Variants in CCDC40 observed in about 807,000 individuals in gnomAD.
CCDC40 encodes the protein coiled-coil domain-containing protein 40.
A neutral mutation model predicts 124.5 loss-of-function variants in CCDC40; 104 were observed. That is an observed-to-expected ratio of 0.84 (90% CI 0.71 to 0.98). The LOEUF is 0.98. Ranked by LOEUF, CCDC40 falls within the 50% of genes least tolerant of loss-of-function variation. The pLI, the probability that CCDC40 is intolerant of heterozygous loss-of-function variation, is 0.00. For synonymous variants in CCDC40, 580 were observed against 602.9 expected (o/e 0.96, Z 0.56); for missense variants, 1,463 against 1,503.9 (o/e 0.97, Z 0.45).
Position 80,048,759 on chromosome 17 carries a change from C to T in CCDC40, c.853C>T (p.His285Tyr), listed in dbSNP as rs768404963. ...CCAGCTGGTGGTTTTGGACCCAGAC[C>T]ACGTAAGGAAGCCTTCCCAGGTTTT... is the stretch of plus-strand genomic sequence containing the variant. ...GSQLVVLDPD[H>Y]PLMVRFQAAL... The change falls in exon 5 of 20, where the codon CAC (histidine) becomes TAC (tyrosine). Residue 285 changes from histidine (H) to tyrosine (Y), a missense_variant and splice_region_variant. Coordinates refer to ENST00000397545, the MANE Select transcript of CCDC40 (RefSeq NM_017950.4). 6.2e-7 allele frequency: 1 copy of T among 1,608,048 alleles called. No individual in the cohort carries two copies. The highest frequency in any genetic ancestry group is 8.5e-7 in the Non-Finnish European group (1 of 1,177,146).
chr17:80,063,454 C>G (rs1417391371), intron 9 of CCDC40, among the ~76,000 whole-genome samples: 2 of 152,180 alleles, frequency 1.3e-5, no homozygotes, highest in Non-Finnish European at 2.9e-5. Context: ...GCACCTCAGT[C>G]AACCAGGCTG....
intron 7 of CCDC40, among the ~76,000 whole-genome samples, chr17:80,055,986 A>G (rs1218033477): frequency 7.3e-4 from 13 of 17,846 alleles, no homozygotes; most frequent in Non-Finnish European, 1.4e-3. Context: ...ATTTTCATAT[A>G]TATATATATA....
intron 9 of CCDC40, among the ~76,000 whole-genome samples, chr17:80,063,787 G>A (rs1277996639): frequency 6.6e-6 from 1 of 152,144 alleles, no homozygotes; most frequent in Admixed American, 6.5e-5. Flanking sequence ...GGCATGAGCC[G>A]CCGCACCTGG....
At chr17:80,051,628 C>CAAAAA (rs200887220) in intron 7 of CCDC40, among the ~76,000 whole-genome samples, 3 of 94,148 alleles carry the variant, frequency 3.2e-5, no homozygotes, top group African/African-American at 1.2e-4. Context: ...GACTCCGTCT[C>CAAAAA]AAAAAAAAAA....
rs74000351 is a variant in CCDC40, at chr17:80,040,222, G to A, written c.504G>A (p.Pro168=). 5.2e-3 allele frequency: 8,355 copies of A among 1,613,952 alleles called. 309 individuals carry two copies. The African/African-American group carries it at 0.088, about 17-fold the overall frequency. ...AGCCATCCCACGGAGTCTTAGGCCC[G>A]TCGGAGCAAATGGGCCAGGTCACCT... ...SPEPSHGVLG[P]SEQMGQVTSG... Residue 168 remains proline, a synonymous_variant, in exon 3 of 20, where the codon CCG becomes CCA. Transcript: ENST00000397545.
chr17:80,056,002 A>ATTT (rs1397122647), intron 7 of CCDC40, among the ~76,000 whole-genome samples: 21 of 7,834 alleles, frequency 2.7e-3, no homozygotes, highest in South Asian at 3.5e-3. Flanking sequence ...ATATATATAT[A>ATTT]TATATATATA....
At chr17:80,048,471 C>T (rs2037487572) in intron 4 of CCDC40, 112 bp from the exon 5 acceptor site, 1 of 859,816 alleles carries the variant, frequency 1.2e-6, no homozygotes, top group Non-Finnish European at 1.9e-6. Flanking sequence ...CTGTCACTTT[C>T]CCATCATGCT....
At chr17:80,097,485 G>A (rs931559352) in intron 19 of CCDC40, 82 bp downstream of exon 19, 85 of 1,473,748 alleles carry the variant, frequency 5.8e-5, no homozygotes, top group Middle Eastern at 1.8e-4. Flanking sequence ...CCCTCTGTGC[G>A]AGTCACGGCC....
intron 10 of CCDC40, among the ~76,000 whole-genome samples, chr17:80,072,982 G>A (rs924255817): frequency 1.3e-4 from 15 of 118,718 alleles, no homozygotes; most frequent in South Asian, 8.4e-4. Context: ...GCGTGGAATC[G>A]CTTTTGTTTG....
intron 10 of CCDC40, 87 bp downstream of exon 10, chr17:80,065,693 A>G: frequency 6.4e-7 from 1 of 1,558,808 alleles, no homozygotes; most frequent in Non-Finnish European, 8.8e-7. Flanking sequence ...CTCTGGGTCC[A>G]CCGGATCTCT....
intron 7 of CCDC40, among the ~76,000 whole-genome samples, chr17:80,051,090 A>G (rs1469364932): frequency 2.6e-5 from 4 of 152,240 alleles, no homozygotes; most frequent in Non-Finnish European, 4.4e-5. Context: ...CTGGTCATGT[A>G]GGTGACCGGG....
chr17:80,048,817 G>A, intron 5 of CCDC40, 56 bp downstream of exon 5: 2 of 1,484,452 alleles, frequency 1.3e-6, no homozygotes, highest in Non-Finnish European at 1.8e-6. Context: ...AATGACTCAG[G>A]CCCCTTTCTC....
intron 17 of CCDC40, chr17:80,090,307 A>C: frequency 3.0e-6 from 4 of 1,333,792 alleles, no homozygotes; most frequent in South Asian, 3.1e-5. Context: ...AGGCACGTGC[A>C]CGAACAACAC....
intron 10 of CCDC40, among the ~76,000 whole-genome samples, chr17:80,069,946 C>T (rs1037994429): frequency 1.1e-4 from 17 of 152,198 alleles, no homozygotes; most frequent in Non-Finnish European, 1.5e-5. Flanking sequence ...TGGAGCCTGC[C>T]CTAGGGAGGG....
intron 16 of CCDC40, 21 bp from the exon 17 acceptor site, chr17:80,089,743 C>G (rs374154536): frequency 5.8e-5 from 94 of 1,614,008 alleles, no homozygotes; most frequent in Non-Finnish European, 7.4e-5. Context: ...ATTTCTTACA[C>G]TGCCTCTCCT....
In CCDC40 at chr17:80,067,927, C is replaced by T. The variant is rs2038090262; in HGVS notation, c.1562+2321C>T. ...AATGTTGAGTGAATATTTTAGTGGA[C>T]TATGTACACGCACAAACACTTCACA... On this transcript the variant is annotated intron_variant, in intron 10 of 19. Coordinates refer to ENST00000397545, the MANE Select transcript of CCDC40 (RefSeq NM_017950.4). 3 of 1,290,400 alleles carry T rather than the reference C, an allele frequency of 2.3e-6. No homozygotes were observed. In the African/African-American group the frequency reaches 4.5e-5, roughly 19 times the overall value. The allele number at this position is 1,290,400 out of a possible 1,614,324, so 79.9% of individuals were successfully genotyped here.
chr17:80,048,443 A>T (rs1172750910), intron 4 of CCDC40, 140 bp from the exon 5 acceptor site: 1 of 725,968 alleles, frequency 1.4e-6, no homozygotes, highest in African/African-American at 1.7e-5. Flanking sequence ...TGACCCACAG[A>T]CCGTTGGGAT....
At chr17:80,048,439 A>G in intron 4 of CCDC40, 144 bp from the exon 5 acceptor site, 1 of 721,328 alleles carries the variant, frequency 1.4e-6, no homozygotes, top group Non-Finnish European at 2.5e-6. Flanking sequence ...TTTCTGACCC[A>G]CAGACCGTTG....
At chr17:80,095,039 C>T (rs1301731394) in intron 17 of CCDC40, among the ~76,000 whole-genome samples, 1 of 152,266 alleles carries the variant, frequency 6.6e-6, no homozygotes, top group Admixed American at 6.5e-5. Flanking sequence ...CCTCAGGTCT[C>T]GGCCATTTCT....
Sources: gnomAD v4.1 joint callset for allele counts (sites outside exome capture counted in the v4.1 genomes callset) on GRCh38, gnomAD v4.1.1 for gene constraint, MANE v1.5 for transcripts, NCBI Gene and HGNC (gene_info 2026-07-23, HGNC 2026-07-21) for gene names.